The following DPYD variants were observed in gnomAD, a reference collection of about 807,000 sequenced individuals.
The protein encoded by DPYD is dihydropyrimidine dehydrogenase, also known as dihydropyrimidine dehydrogenase [NADP(+)].
DPYD carries 109 observed loss-of-function variants against 116.2 expected under a neutral mutation model. The observed-to-expected ratio is 0.94, with a 90% CI of 0.80 to 1.10. DPYD has a LOEUF of 1.10. Ranked by LOEUF, DPYD falls within the 50% of genes least tolerant of loss-of-function variation. DPYD has a pLI of 0.00. For synonymous variants in DPYD, 440 were observed against 432.0 expected, an observed-to-expected ratio of 1.02 and a Z score of -0.23; for missense variants, 1,302 against 1,254.5, an observed-to-expected ratio of 1.04 and a Z score of -0.57.
intron 14 of DPYD, among the ~76,000 whole-genome samples, chr1:97,383,475 C>CAAAAAAAA (rs796302274): frequency 8.8e-5 from 7 of 79,342 alleles, no homozygotes; most frequent in Admixed American, 2.9e-4. Flanking sequence ...GACTCTGTCT[C>CAAAAAAAA]AAAAAAAAAA....
chr1:97,531,270 A>C (rs1182842820), intron 12 of DPYD, among the ~76,000 whole-genome samples: 1 of 152,176 alleles, frequency 6.6e-6, no homozygotes. Context: ...TTAGTCTTTA[A>C]TTAATTGTGA....
intron 8 of DPYD, among the ~76,000 whole-genome samples, chr1:97,670,738 C>A (rs1265724464): frequency 1.3e-5 from 2 of 152,156 alleles, no homozygotes; most frequent in Admixed American, 6.6e-5. Context: ...ATGTAACTGG[C>A]AGCCATAAAT....
intron 1 of DPYD, among the ~76,000 whole-genome samples, chr1:97,895,226 C>A (rs918113248): frequency 6.6e-6 from 1 of 151,612 alleles, no homozygotes; most frequent in Non-Finnish European, 1.5e-5. Context: ...TAATCTAGTA[C>A]CTTTTGTGTA....
intron 20 of DPYD, among the ~76,000 whole-genome samples, chr1:97,106,648 G>A (rs746309092): frequency 6.6e-6 from 1 of 152,032 alleles, no homozygotes; most frequent in Non-Finnish European, 1.5e-5. Context: ...CCTGAGGCCT[G>A]CAGATTCAGG....
intron 13 of DPYD, among the ~76,000 whole-genome samples, chr1:97,485,162 C>T (rs1167299287): frequency 2.0e-5 from 3 of 151,974 alleles, no homozygotes; most frequent in Admixed American, 2.0e-4. Flanking sequence ...TGGATCTTCC[C>T]TATTTTGTTT....
chr1:97,815,096 AG>A (rs72389239), intron 3 of DPYD, among the ~76,000 whole-genome samples: 3 of 9,384 alleles, frequency 3.2e-4, no homozygotes, highest in Non-Finnish European at 9.0e-4. Context: ...AAAAGAGAAG[AG>A]AAGAGAAAAG....
rs1057516997 is a variant in DPYD at position 97,699,507 on chromosome 1, GA to G, written c.523del (p.Ser175ArgfsTer26). On this transcript the variant is annotated frameshift_variant, in exon 6 of 23. Coordinates refer to ENST00000370192, the MANE Select transcript of DPYD (RefSeq NM_000110.4). LOFTEE classifies it high-confidence loss of function. ...AGACATTTTTTCTGGGGGAGGCAGC[GA>G]AGGATTTCTGATCTGTGGGATACTC... Reference protein sequence around the residue: ...AMSIPQIRNPSLPPPEKMSEA... With the variant: ...AMSIPQIRNPXLPPPEKMSEA... 1 of 1,613,474 alleles carries G rather than the reference GA, an allele frequency of 6.2e-7. No homozygotes were observed.
chr1:97,309,448 T>C (rs1667366888), intron 16 of DPYD, among the ~76,000 whole-genome samples: 1 of 151,632 alleles, frequency 6.6e-6, no homozygotes, highest in African/African-American at 2.4e-5. Flanking sequence ...AATGATTTCC[T>C]GTGACAGAGG....
At chr1:97,549,768 T>C (rs940801623) in intron 11 of DPYD, 24 bp from the exon 12 acceptor site, 3 of 1,598,422 alleles carry the variant, frequency 1.9e-6, no homozygotes, top group Non-Finnish European at 2.6e-6. Context: ...TGAAAAACAA[T>C]AGACAATCAC....
chr1:97,639,951 A>G (rs1021247574), intron 8 of DPYD, among the ~76,000 whole-genome samples: 4 of 152,176 alleles, frequency 2.6e-5, no homozygotes, highest in African/African-American at 9.7e-5. Context: ...GCTGGCCTTT[A>G]TTCTACTCAA....
chr1:97,501,981 A>G (rs1679613122), intron 13 of DPYD, among the ~76,000 whole-genome samples: 1 of 152,058 alleles, frequency 6.6e-6, no homozygotes, highest in Non-Finnish European at 1.5e-5. Flanking sequence ...TTGTAATGCA[A>G]TTTCTGACCT....
chr1:97,898,570 G>A (rs1481320946), intron 1 of DPYD, among the ~76,000 whole-genome samples: 1 of 151,830 alleles, frequency 6.6e-6, no homozygotes, highest in East Asian at 1.9e-4. Flanking sequence ...CATATATTTT[G>A]TTTCTTTTTT....
At chr1:97,839,719 T>C (rs1669949978) in intron 2 of DPYD, among the ~76,000 whole-genome samples, 1 of 152,186 alleles carries the variant, frequency 6.6e-6, no homozygotes, top group Non-Finnish European at 1.5e-5. Flanking sequence ...AGGGGATAAA[T>C]TATGGTGAAA....
intron 3 of DPYD, among the ~76,000 whole-genome samples, chr1:97,785,747 C>T (rs900050542): frequency 1.6e-5 from 2 of 126,978 alleles, no homozygotes; most frequent in African/African-American, 6.1e-5. Context: ...GGCTGGAGTG[C>T]AGTGGCACAT....
intron 20 of DPYD, among the ~76,000 whole-genome samples, chr1:97,109,381 T>C (rs1193548975): frequency 6.6e-6 from 1 of 152,104 alleles, no homozygotes; most frequent in Admixed American, 6.6e-5. Context: ...ATAATTTGCT[T>C]TTGAAACCCA....
At chr1:97,742,878 C>G (rs1423802450) in intron 3 of DPYD, among the ~76,000 whole-genome samples, 1 of 152,030 alleles carries the variant, frequency 6.6e-6, no homozygotes, top group Non-Finnish European at 1.5e-5. Flanking sequence ...CAAAAGTAAG[C>G]GCACACACAC....
intron 20 of DPYD, among the ~76,000 whole-genome samples, chr1:97,129,562 C>T (rs1170967630): frequency 6.6e-6 from 1 of 152,076 alleles, no homozygotes; most frequent in Non-Finnish European, 1.5e-5. Context: ...ATTTTCCTCT[C>T]CCATCTCTCT....
intron 2 of DPYD, among the ~76,000 whole-genome samples, chr1:97,876,354 T>G (rs190026406): frequency 6.6e-6 from 1 of 152,090 alleles, no homozygotes; most frequent in Non-Finnish European, 1.5e-5. Context: ...TGGAAGCCCT[T>G]TGGGCCAGTA....
At chr1:97,664,911 A>G (rs142101309) in intron 8 of DPYD, among the ~76,000 whole-genome samples, 10 of 152,282 alleles carry the variant, frequency 6.6e-5, no homozygotes, top group Non-Finnish European at 1.5e-4. Context: ...ACTTAAATAT[A>G]GTGGAAAGCA....
Sources: gnomAD v4.1 joint callset for allele counts (sites outside exome capture counted in the v4.1 genomes callset) on GRCh38, gnomAD v4.1.1 for gene constraint, MANE v1.5 for transcripts, NCBI Gene and HGNC (gene_info 2026-07-23, HGNC 2026-07-21) for gene names.